Variants in GALNT7 observed in about 807,000 individuals in gnomAD.
GALNT7 encodes polypeptide N-acetylgalactosaminyltransferase 7.
Under a neutral mutation model 82.1 loss-of-function variants are expected in GALNT7, and 60 were observed. The ratio of observed to expected loss-of-function variants is 0.73; its 90% confidence interval spans 0.59 to 0.91. The LOEUF (loss-of-function observed/expected upper bound fraction) is 0.91, where lower values mean the gene tolerates loss of function less well. GALNT7 is among the 40% of genes least tolerant of loss of function. The pLI is 0.00. For synonymous variants in GALNT7, 243 were observed against 275.1 expected (o/e 0.88, Z 1.15); for missense variants, 660 against 804.2 (o/e 0.82, Z 2.17).
At chr4:173,229,907 C>T (rs1579933865) in intron 1 of GALNT7, among the ~76,000 whole-genome samples, 1 of 151,922 alleles carries the variant, frequency 6.6e-6, no homozygotes, top group Admixed American at 6.6e-5. Context: ...TCTGTTCCAA[C>T]TTTGACAATG....
At chr4:173,279,669 T>C (rs1736040475) in intron 2 of GALNT7, among the ~76,000 whole-genome samples, 1 of 152,158 alleles carries the variant, frequency 6.6e-6, no homozygotes, top group African/African-American at 2.4e-5. Flanking sequence ...AGGTCCTCAA[T>C]TTATTATAAA....
At position 173,302,424 on chromosome 4, in the gene GALNT7, C is replaced by A. The variant is rs41278621; in HGVS notation, c.1266+260C>A. 1.3e-5 allele frequency among the ~76,000 whole-genome samples: 2 copies of A among 152,304 alleles called. No homozygotes were observed. The highest frequency in any genetic ancestry group is 2.9e-5 in the Non-Finnish European group (2 of 68,022). ...CTTTAGAAATGAAAATATCTACCCC[C>A]ACACCCCAACTTTCTATATATTGGA... On this transcript the variant is annotated intron_variant, in intron 7 of 11. Coordinates refer to ENST00000265000, the MANE Select transcript of GALNT7 (RefSeq NM_017423.3). The surrounding 1 kb of genome is among the most constrained non-coding windows in gnomAD (Gnocchi z 4.2).
intron 1 of GALNT7, among the ~76,000 whole-genome samples, chr4:173,221,757 T>C (rs1733652237): frequency 6.6e-6 from 1 of 152,260 alleles, no homozygotes; most frequent in Non-Finnish European, 1.5e-5. Flanking sequence ...CATTCGGCTC[T>C]GACTCAAATT....
chr4:173,301,560 A>G (rs1017813922), intron 6 of GALNT7, among the ~76,000 whole-genome samples: 3 of 152,196 alleles, frequency 2.0e-5, no homozygotes, highest in African/African-American at 4.8e-5. Flanking sequence ...TGGTTGTTCT[A>G]CAATGATTTA....
At chr4:173,303,452 T>C (rs1381715756) in intron 7 of GALNT7, among the ~76,000 whole-genome samples, 1 of 152,200 alleles carries the variant, frequency 6.6e-6, no homozygotes, top group Non-Finnish European at 1.5e-5. Flanking sequence ...AGGGCCATAT[T>C]GAAGAGAGCC....
At chr4:173,226,249 A>G (rs981584139) in intron 1 of GALNT7, among the ~76,000 whole-genome samples, 1 of 152,184 alleles carries the variant, frequency 6.6e-6, no homozygotes, top group Non-Finnish European at 1.5e-5. Context: ...TGAAGAATAT[A>G]TATATTTAGA....
At chr4:173,216,630 C>T (rs190321835) in intron 1 of GALNT7, among the ~76,000 whole-genome samples, 5 of 148,602 alleles carry the variant, frequency 3.4e-5, no homozygotes, top group Admixed American at 1.4e-4. Flanking sequence ...GTTGTGTTCC[C>T]CAGGTGTGAG....
At position 173,248,445 on chromosome 4, in the gene GALNT7, G is replaced by A. The variant is rs200628277; in HGVS notation, c.587+5G>A. On this transcript the variant is annotated splice_donor_5th_base_variant and intron_variant, in intron 2 of 11. Coordinates refer to ENST00000265000, the MANE Select transcript of GALNT7 (RefSeq NM_017423.3). ...CAATGACTTACGCCAAGAAGAGTAA[G>A]CACACATCCTCTTCTTTCTAAAAAT... The A allele has an allele frequency of 1.9e-6, 3 of 1,551,296 alleles. No homozygotes were observed. Among genetic ancestry groups the A allele is most frequent in the Non-Finnish European group, 2.6e-6 (3 of 1,134,290 alleles).
At chr4:173,261,872 T>C (rs1281055572) in intron 2 of GALNT7, among the ~76,000 whole-genome samples, 3 of 152,172 alleles carry the variant, frequency 2.0e-5, no homozygotes, top group African/African-American at 7.2e-5. Flanking sequence ...ATTAGGCTTT[T>C]ATTTATGTCA....
chr4:173,231,822 G>A (rs1194179125), intron 1 of GALNT7, among the ~76,000 whole-genome samples: 1 of 152,164 alleles, frequency 6.6e-6, no homozygotes, highest in Non-Finnish European at 1.5e-5. Context: ...AAATGGCACA[G>A]AATTTAGGAG....
chr4:173,234,962 T>G (rs1481242866), intron 1 of GALNT7, among the ~76,000 whole-genome samples: 1 of 152,198 alleles, frequency 6.6e-6, no homozygotes, highest in Non-Finnish European at 1.5e-5. Flanking sequence ...GTACCATGCT[T>G]CTTATACAGC....
chr4:173,256,350 A>G (rs1735036589), intron 2 of GALNT7, among the ~76,000 whole-genome samples: 1 of 152,228 alleles, frequency 6.6e-6, no homozygotes, highest in Admixed American at 6.5e-5. Flanking sequence ...AAGACCTACA[A>G]AAAGGAAAAC....
chr4:173,235,505 A>AT (rs1362629437), intron 1 of GALNT7, among the ~76,000 whole-genome samples: 1 of 151,140 alleles, frequency 6.6e-6, no homozygotes, highest in African/African-American at 2.4e-5. Context: ...GTTCTTTCAG[A>AT]TCTTTGCTCA....
At chr4:173,260,631 A>G (rs1735224456) in intron 2 of GALNT7, among the ~76,000 whole-genome samples, 1 of 152,138 alleles carries the variant, frequency 6.6e-6, no homozygotes, top group African/African-American at 2.4e-5. Context: ...GCTGTATGTC[A>G]TCACTGAATC....
Position 173,322,707 on chromosome 4 carries a change from G to A in GALNT7, c.*990G>A, listed in dbSNP as rs1292060868. ...AACACATCAAAGGTTCATTCTGACT[G>A]AGGTAAGACTTTCCAAGCCCTTGTT... On this transcript the variant is annotated 3_prime_UTR_variant, in exon 12 of 12. Coordinates refer to ENST00000265000, the MANE Select transcript of GALNT7 (RefSeq NM_017423.3). The A allele has an allele frequency of 6.6e-6, 1 of 152,210 alleles. No homozygotes were observed. The highest frequency in any genetic ancestry group is 1.5e-5 in the Non-Finnish European group (1 of 68,020). 9.4% of individuals were successfully genotyped at this position (152,210 alleles called of 1,614,324 possible).
intron 1 of GALNT7, among the ~76,000 whole-genome samples, chr4:173,228,474 T>C (rs945207716): frequency 6.6e-6 from 1 of 152,052 alleles, no homozygotes; most frequent in Non-Finnish European, 1.5e-5. Flanking sequence ...TAAGTTCAGT[T>C]AGCATAATTT....
chr4:173,323,756 A>G lies in GALNT7; in HGVS notation c.*2039A>G, dbSNP rs1039292533. 1.3e-5 allele frequency: 2 copies of G among 152,578 alleles called. No homozygotes were observed. The highest frequency in any genetic ancestry group is 2.9e-5 in the Non-Finnish European group (2 of 67,980). The allele number at this position is 152,578 out of a possible 1,614,324, so 9.5% of individuals were successfully genotyped here. On this transcript the variant is annotated 3_prime_UTR_variant, in exon 12 of 12. Transcript: ENST00000265000. The stretch of plus-strand genomic sequence containing the variant: ...GTAGGCTGCTTTGGAAATAATTCCC[A>G]TATCCTTGCTTTGTAAGTTGGTAAT...
chr4:173,298,408 C>A, intron 6 of GALNT7, 111 bp downstream of exon 6: 1 of 697,440 alleles, frequency 1.4e-6, no homozygotes, highest in Non-Finnish European at 2.4e-6. Flanking sequence ...GTCTCAGATT[C>A]TGAAAGAACA....
At chr4:173,279,567 A>G (rs1736036966) in intron 2 of GALNT7, among the ~76,000 whole-genome samples, 1 of 152,244 alleles carries the variant, frequency 6.6e-6, no homozygotes, top group African/African-American at 2.4e-5. Flanking sequence ...AACATATTCA[A>G]GTGTCAGCAC....
Sources: allele counts gnomAD v4.1 joint callset (sites outside exome capture counted in the v4.1 genomes callset), GRCh38; gene constraint gnomAD v4.1.1; non-coding constraint Gnocchi (gnomAD v3.1); transcripts MANE v1.5; gene names NCBI Gene and HGNC (gene_info 2026-07-23, HGNC 2026-07-21).